The following UNC13C variants were observed in gnomAD, a reference collection of about 807,000 sequenced individuals.
UNC13C encodes protein unc-13 homolog C.
A neutral mutation model predicts 245.4 loss-of-function variants in UNC13C; 174 were observed. The ratio of observed to expected loss-of-function variants is 0.71; its 90% CI spans 0.63 to 0.80. The LOEUF (loss-of-function observed/expected upper bound fraction) is 0.80. Among genes scored for constraint, UNC13C ranks in the 30% least tolerant of loss-of-function variants. The pLI, the probability that UNC13C is intolerant of heterozygous loss-of-function variation, is 0.00. For missense variants in UNC13C, 2,829 were observed against 2,602.9 expected (o/e 1.09, Z -1.89); for synonymous variants, 992 against 895.1 (o/e 1.11, Z -1.93).
At chr15:53,850,765 T>TC in the UNC13C span, among the ~76,000 whole-genome samples, 2 of 152,104 alleles carry the variant, frequency 1.3e-5, no homozygotes, top group Non-Finnish European at 2.9e-5. Context: ...TTCTTTTTTT[T>TC]CTTCTTTCCT....
chr15:53,991,850 A>T (rs1035284878), intron 1 of UNC13C, among the ~76,000 whole-genome samples: 1 of 151,970 alleles, frequency 6.6e-6, no homozygotes, highest in Non-Finnish European at 1.5e-5. Flanking sequence ...AACGTACCTG[A>T]TATATAGATG....
chr15:54,622,638 T>A (rs894565840), intron 31 of UNC13C, among the ~76,000 whole-genome samples: 2 of 152,208 alleles, frequency 1.3e-5, no homozygotes, highest in Admixed American at 6.6e-5. Context: ...AATACACTGA[T>A]TAAATATCCA....
the UNC13C span, among the ~76,000 whole-genome samples, chr15:53,916,781 A>C: frequency 6.6e-6 from 1 of 152,182 alleles, no homozygotes. Flanking sequence ...ACACATCAGC[A>C]TGCTTAAGAA....
intron 7 of UNC13C, among the ~76,000 whole-genome samples, chr15:54,249,552 G>T (rs16974390): frequency 0.15 from 22,339 of 152,152 alleles, 1,734 homozygotes; most frequent in African/African-American, 0.18. Context: ...TAAATATCAT[G>T]TAGTTGGGCC....
chr15:54,553,572 A>G (rs1338227122), intron 28 of UNC13C, among the ~76,000 whole-genome samples: 1 of 148,454 alleles, frequency 6.7e-6, no homozygotes, highest in Non-Finnish European at 1.5e-5. Context: ...TATTTGACAT[A>G]AAAAAATGCA....
At chr15:54,454,569 G>A (rs201750949) in intron 19 of UNC13C, among the ~76,000 whole-genome samples, 6 of 46,308 alleles carry the variant, frequency 1.3e-4, no homozygotes, top group Admixed American at 2.3e-4. Flanking sequence ...CAATAGTGGG[G>A]GAAAAAAAAA....
chr15:54,108,752 A>G (rs1008873362), intron 2 of UNC13C, among the ~76,000 whole-genome samples: 3 of 152,166 alleles, frequency 2.0e-5, no homozygotes, highest in African/African-American at 4.8e-5. Context: ...TGTTTGGAAA[A>G]TAGGGGAGAT....
intron 19 of UNC13C, among the ~76,000 whole-genome samples, chr15:54,420,058 G>A (rs1217836412): frequency 6.6e-6 from 1 of 152,046 alleles, no homozygotes; most frequent in African/African-American, 2.4e-5. Flanking sequence ...AAAAGAATAA[G>A]ATGAACAGAT....
At chr15:54,152,154 T>G (rs1397030226) in intron 4 of UNC13C, among the ~76,000 whole-genome samples, 1 of 152,150 alleles carries the variant, frequency 6.6e-6, no homozygotes, top group Non-Finnish European at 1.5e-5. Flanking sequence ...ACTACTTCTA[T>G]CCCCTCACCC....
chr15:53,928,923 T>G, the UNC13C span, among the ~76,000 whole-genome samples: 1 of 152,208 alleles, frequency 6.6e-6, no homozygotes, highest in Admixed American at 6.5e-5. Context: ...TTGAAGACAG[T>G]GGTGATGATT....
chr15:53,941,960 G>C, the UNC13C span, among the ~76,000 whole-genome samples: 1 of 152,170 alleles, frequency 6.6e-6, no homozygotes, highest in Non-Finnish European at 1.5e-5. Flanking sequence ...GTTGGTGGGA[G>C]TGTAAATTAG....
At chr15:54,235,782 C>T (rs2035679588) in intron 5 of UNC13C, among the ~76,000 whole-genome samples, 1 of 152,132 alleles carries the variant, frequency 6.6e-6, no homozygotes, top group Non-Finnish European at 1.5e-5. Flanking sequence ...ACCCGGGAGG[C>T]GGAGCTTGCG....
At chr15:53,898,488 T>C in the UNC13C span, among the ~76,000 whole-genome samples, 5,461 of 151,822 alleles carry the variant, frequency 0.036, 339 homozygotes, top group African/African-American at 0.13. Context: ...TTCAAAAAAA[T>C]CAAACATTTC....
chr15:54,369,197 C>CG (rs1050019145), intron 17 of UNC13C, among the ~76,000 whole-genome samples: 2 of 139,356 alleles, frequency 1.4e-5, no homozygotes, highest in Admixed American at 7.0e-5. Flanking sequence ...AACCTCCCCC[C>CG]CCCAAAAAAA....
At chr15:54,411,078 C>T (rs563237790) in intron 18 of UNC13C, among the ~76,000 whole-genome samples, 1 of 152,062 alleles carries the variant, frequency 6.6e-6, no homozygotes, top group East Asian at 1.9e-4. Context: ...ATTTTATTGG[C>T]AAATATCTAA....
chr15:54,296,274 C>G (rs1226275971), intron 11 of UNC13C, among the ~76,000 whole-genome samples: 3 of 152,046 alleles, frequency 2.0e-5, no homozygotes, highest in Non-Finnish European at 4.4e-5. Flanking sequence ...GATCTTGGCT[C>G]ACTGCAAGCT....
chr15:54,224,418 T>C (rs1429369724), intron 4 of UNC13C, among the ~76,000 whole-genome samples: 1 of 152,162 alleles, frequency 6.6e-6, no homozygotes, highest in South Asian at 2.1e-4. Flanking sequence ...ATTCTGTTGA[T>C]GTGATGTATC....
intron 11 of UNC13C, among the ~76,000 whole-genome samples, chr15:54,295,517 G>A (rs2037404812): frequency 1.3e-5 from 2 of 152,136 alleles, no homozygotes; most frequent in East Asian, 1.9e-4. Context: ...CAAGCATGGT[G>A]CCATGTGCCT....
intron 2 of UNC13C, among the ~76,000 whole-genome samples, chr15:54,028,174 A>C (rs74683448): frequency 0.062 from 9,386 of 152,252 alleles, 435 homozygotes; most frequent in East Asian, 0.17. Context: ...TCTCAAGCTA[A>C]GTTTTTCAGA....
Sources: allele counts gnomAD v4.1 joint callset (sites outside exome capture counted in the v4.1 genomes callset), GRCh38; gene constraint gnomAD v4.1.1; transcripts MANE v1.5; gene names NCBI Gene and HGNC (gene_info 2026-07-23, HGNC 2026-07-21).